F13A1: variants seen among roughly 807,000 people sequenced by gnomAD.
F13A1 encodes coagulation factor XIII A chain, also known as FSF, A subunit.
Under a neutral mutation model 80.1 loss-of-function variants are expected in F13A1, and 47 were observed. That is an observed-to-expected ratio of 0.59 (90% confidence interval 0.46 to 0.75). F13A1 has a LOEUF of 0.75. Among genes scored for constraint, F13A1 ranks in the 30% least tolerant of loss-of-function variants. F13A1 has a pLI of 0.00. For missense variants in F13A1, 817 were observed against 930.4 expected, an observed-to-expected ratio of 0.88 and a Z score of 1.59; for synonymous variants, 349 against 344.9, an observed-to-expected ratio of 1.01 and a Z score of -0.13.
intron 3 of F13A1, among the ~76,000 whole-genome samples, chr6:6,279,977 G>A (rs945152793): frequency 2.0e-5 from 3 of 152,156 alleles, no homozygotes; most frequent in African/African-American, 7.2e-5. Flanking sequence ...GCATTTGTTT[G>A]TCTTTGGAGT....
intron 3 of F13A1, among the ~76,000 whole-genome samples, chr6:6,275,115 G>T (rs1561675944): frequency 6.6e-6 from 1 of 151,910 alleles, no homozygotes; most frequent in East Asian, 1.9e-4. Flanking sequence ...TGGTTTGAGA[G>T]GGACAAGAGT....
intron 11 of F13A1, among the ~76,000 whole-genome samples, chr6:6,177,801 T>G (rs1258582482): frequency 6.6e-6 from 1 of 151,954 alleles, no homozygotes; most frequent in East Asian, 1.9e-4. Flanking sequence ...GGGACGGAGG[T>G]TGGCCTGCAG....
intron 6 of F13A1, among the ~76,000 whole-genome samples, chr6:6,241,729 C>T (rs1434210411): frequency 6.6e-6 from 1 of 152,088 alleles, no homozygotes; most frequent in African/African-American, 2.4e-5. Context: ...TACGAAAGTA[C>T]CTTGTGACTG....
chr6:6,240,635 G>A (rs941532340), intron 6 of F13A1, among the ~76,000 whole-genome samples: 1 of 152,176 alleles, frequency 6.6e-6, no homozygotes, highest in Non-Finnish European at 1.5e-5. Context: ...ATGGATTTAT[G>A]CAATTTCTCA....
At chr6:6,284,554 G>C (rs536947688) in intron 3 of F13A1, among the ~76,000 whole-genome samples, 2 of 152,264 alleles carry the variant, frequency 1.3e-5, no homozygotes, top group South Asian at 4.1e-4. Flanking sequence ...TTGCATGAGG[G>C]GAGCACATTC....
intron 6 of F13A1, among the ~76,000 whole-genome samples, chr6:6,232,533 T>C (rs1319606890): frequency 2.0e-5 from 3 of 152,118 alleles, no homozygotes; most frequent in African/African-American, 7.2e-5. Flanking sequence ...CTGACAGCAC[T>C]AGACAGGTCA....
At chr6:6,177,471 A>G (rs543279175) in intron 11 of F13A1, among the ~76,000 whole-genome samples, 1 of 152,342 alleles carries the variant, frequency 6.6e-6, no homozygotes, top group East Asian at 1.9e-4. Context: ...CCACCTCTGC[A>G]TCCCCAGGCC....
intron 3 of F13A1, among the ~76,000 whole-genome samples, chr6:6,279,755 C>G (rs963535548): frequency 6.6e-6 from 1 of 152,152 alleles, no homozygotes; most frequent in Non-Finnish European, 1.5e-5. Flanking sequence ...GCAGAATGAG[C>G]CTTCTAGGTT....
chr6:6,185,817 A>T (rs375552940), intron 10 of F13A1, among the ~76,000 whole-genome samples: 5 of 151,890 alleles, frequency 3.3e-5, no homozygotes, highest in South Asian at 4.2e-4. Context: ...ACAATGGTTG[A>T]ACTAGTTTAC....
intron 3 of F13A1, among the ~76,000 whole-genome samples, chr6:6,294,616 C>A (rs892727284): frequency 6.6e-6 from 1 of 151,894 alleles, no homozygotes; most frequent in Non-Finnish European, 1.5e-5. Flanking sequence ...GTCTGTCCCT[C>A]AAGAGAACAC....
chr6:6,174,963 GT>G (rs1337206503), intron 11 of F13A1, 96 bp from the exon 12 acceptor site: 12 of 1,452,628 alleles, frequency 8.3e-6, no homozygotes, highest in Admixed American at 7.1e-5. Flanking sequence ...TTGTTGGGGT[GT>G]TTCTATAATA....
intron 4 of F13A1, among the ~76,000 whole-genome samples, chr6:6,263,919 T>A (rs190515468): frequency 8.7e-4 from 133 of 152,372 alleles, no homozygotes; most frequent in Middle Eastern, 6.8e-3. Context: ...TAGTTTATCA[T>A]CATCTTTGTC....
chr6:6,304,718 C>T (rs1758485563), intron 3 of F13A1, among the ~76,000 whole-genome samples: 1 of 151,970 alleles, frequency 6.6e-6, no homozygotes, highest in Non-Finnish European at 1.5e-5. Flanking sequence ...ATAAAATTAG[C>T]TGGGCGTAAT....
Position 6,305,412 on chromosome 6 carries a change from C to G in F13A1, c.258G>C (p.Gln86His). The change falls in exon 3 of 15, where the codon CAG becomes CAC. Residue 86 changes from glutamine to histidine, a missense_variant. Physicochemically the swap from Gln to His is conservative, Grantham distance 24 (BLOSUM62 0). Transcript: ENST00000264870. ...IVRRGQSFYVQIDFSRPYDPR... is the reference protein window; with the variant it reads ...IVRRGQSFYVHIDFSRPYDPR... ...GGTCATATGGACGACTGAAGTCAAT[C>G]TGCACATAGAAAGACTGCCCTCTGC... The G allele has an allele frequency of 4.3e-6, 7 of 1,614,250 alleles. No individual in the cohort carries two copies. The highest frequency in any genetic ancestry group is 5.9e-6 in the Non-Finnish European group (7 of 1,180,054).
intron 8 of F13A1, among the ~76,000 whole-genome samples, chr6:6,198,763 A>C (rs542810644): frequency 6.6e-6 from 1 of 152,356 alleles, no homozygotes; most frequent in African/African-American, 2.4e-5. Flanking sequence ...TATTTCGAAC[A>C]CAGACTGGCA....
At position 6,296,786 on chromosome 6, in the gene F13A1, G is replaced by T. The variant is rs1450983289; in HGVS notation, c.319+8565C>A. ...TGGCCAGAACTTCCAACACTATGTT[G>T]AATAGGAGTGGTGAGAGAGGGCATC... On this transcript the variant is annotated intron_variant, in intron 3 of 14. Coordinates refer to ENST00000264870, the MANE Select transcript of F13A1 (RefSeq NM_000129.4). Among the ~76,000 whole-genome samples, 81 of 145,814 alleles carry T rather than the reference G, an allele frequency of 5.6e-4. 1 individual carries two copies. Among genetic ancestry groups the T allele is most frequent in the African/African-American group, 2.0e-3 (77 of 37,622 alleles).
At chr6:6,167,420 C>A (rs1398400122) in intron 13 of F13A1, 38 bp downstream of exon 13, 1 of 1,608,408 alleles carries the variant, frequency 6.2e-7, no homozygotes, top group Non-Finnish European at 8.5e-7. Context: ...AGTCTGCGTG[C>A]CTTTGTCTCT....
chr6:6,288,405 T>C (rs1758167729), intron 3 of F13A1, among the ~76,000 whole-genome samples: 1 of 152,210 alleles, frequency 6.6e-6, no homozygotes, highest in African/African-American at 2.4e-5. Context: ...ATTCCACATA[T>C]AAGTGAGATC....
intron 2 of F13A1, among the ~76,000 whole-genome samples, chr6:6,306,197 C>A (rs573022299): frequency 3.3e-4 from 51 of 152,294 alleles, no homozygotes; most frequent in African/African-American, 1.1e-3. Context: ...TTCAGTGACA[C>A]AGAAACTATC....
Sources: allele counts gnomAD v4.1 joint callset (sites outside exome capture counted in the v4.1 genomes callset), GRCh38; gene constraint gnomAD v4.1.1; transcripts MANE v1.5; gene names NCBI Gene and HGNC (gene_info 2026-07-23, HGNC 2026-07-21).